MALRD1: variants seen among roughly 807,000 people sequenced by gnomAD.
MALRD1 encodes MAM and LDL receptor class A domain containing 1.
Under a neutral mutation model 242.1 loss-of-function variants are expected in MALRD1, and 247 were observed. That is an observed-to-expected ratio of 1.02 (90% CI 0.92 to 1.13). The LOEUF is 1.13. MALRD1 is among the 50% of genes most tolerant of loss of function. The pLI, the probability that MALRD1 is intolerant of heterozygous loss-of-function variation, is 0.00. For synonymous variants in MALRD1, 995 were observed against 866.6 expected (o/e 1.15, Z -2.60); for missense variants, 2,989 against 2,533.1 (o/e 1.18, Z -3.86).
chr10:19,375,519 A>T (rs1273929802), intron 26 of MALRD1, among the ~76,000 whole-genome samples: 2 of 152,156 alleles, frequency 1.3e-5, no homozygotes, highest in African/African-American at 2.4e-5. Context: ...AAGGCCCTGG[A>T]TAAGGACACA....
chr10:19,658,125 G>A (rs1841252918), intron 36 of MALRD1, among the ~76,000 whole-genome samples: 1 of 151,838 alleles, frequency 6.6e-6, no homozygotes, highest in African/African-American at 2.4e-5. Flanking sequence ...TCCAGCCTGG[G>A]CAACAAGAGC....
chr10:19,271,942 A>G (rs1396357270), intron 19 of MALRD1, among the ~76,000 whole-genome samples: 1 of 152,176 alleles, frequency 6.6e-6, no homozygotes. Context: ...AGCAAGAAAA[A>G]CACTGGAGGC....
chr10:19,422,409 G>T (rs955286284), intron 28 of MALRD1, among the ~76,000 whole-genome samples: 1 of 152,120 alleles, frequency 6.6e-6, no homozygotes, highest in Non-Finnish European at 1.5e-5. Context: ...AAAACATAGA[G>T]TAACCAGAAG....
chr10:19,440,065 G>C lies in MALRD1; in HGVS notation c.4846-10242G>C, dbSNP rs148338185. Among the ~76,000 whole-genome samples the C allele has an allele frequency of 1.8e-3, 275 of 152,222 alleles. 2 individuals are homozygous for C. The highest frequency in any genetic ancestry group is 6.3e-3 in the African/African-American group (262 of 41,542). ...CACTTTAGGTGTCCATCTTACCACT[G>C]TCTGATTGCCAACAAGCCTGAGCAT... On this transcript the variant is annotated intron_variant, in intron 28 of 39. Coordinates refer to ENST00000454679, the MANE Select transcript of MALRD1 (RefSeq NM_001142308.3).
chr10:19,060,801 A>T (rs1834801074), intron 1 of MALRD1, among the ~76,000 whole-genome samples: 1 of 152,206 alleles, frequency 6.6e-6, no homozygotes, highest in South Asian at 2.1e-4. Context: ...AAAGTTATCT[A>T]CCTTGAAGAT....
intron 18 of MALRD1, among the ~76,000 whole-genome samples, chr10:19,223,495 T>C (rs1169743769): frequency 2.0e-5 from 3 of 152,188 alleles, no homozygotes; most frequent in African/African-American, 7.2e-5. Flanking sequence ...AACATATTTC[T>C]ATTTTTACCA....
intron 36 of MALRD1, among the ~76,000 whole-genome samples, chr10:19,639,422 T>G (rs1253512128): frequency 2.0e-5 from 3 of 152,158 alleles, no homozygotes; most frequent in Admixed American, 2.0e-4. Context: ...CTACCACACG[T>G]GGAGATGCCA....
At chr10:19,373,949 A>G (rs1040347861) in intron 26 of MALRD1, among the ~76,000 whole-genome samples, 14 of 152,206 alleles carry the variant, frequency 9.2e-5, no homozygotes. Flanking sequence ...TGAATAGTGC[A>G]AAACCAATAG....
chr10:19,069,752 C>T (rs1835085999), intron 2 of MALRD1, among the ~76,000 whole-genome samples: 1 of 145,926 alleles, frequency 6.9e-6, no homozygotes. Context: ...TCCACAATTT[C>T]TTTTTTTTTT....
chr10:19,494,207 A>C (rs970140775), intron 30 of MALRD1, among the ~76,000 whole-genome samples: 1 of 152,236 alleles, frequency 6.6e-6, no homozygotes, highest in Non-Finnish European at 1.5e-5. Context: ...ACCAAAGGCA[A>C]GAAGTCAGCT....
intron 36 of MALRD1, among the ~76,000 whole-genome samples, chr10:19,675,568 A>C (rs189554911): frequency 1.3e-5 from 2 of 152,346 alleles, no homozygotes; most frequent in African/African-American, 4.8e-5. Context: ...GAGAAGAATA[A>C]ATAATCTGTG....
At chr10:19,397,167 A>G (rs1017483492) in intron 28 of MALRD1, among the ~76,000 whole-genome samples, 7 of 152,030 alleles carry the variant, frequency 4.6e-5, no homozygotes, top group African/African-American at 1.7e-4. Flanking sequence ...TATTCACCTC[A>G]CTGTGCAAAG....
chr10:19,464,092 C>T (rs964200921), intron 29 of MALRD1, among the ~76,000 whole-genome samples: 8 of 152,064 alleles, frequency 5.3e-5, no homozygotes, highest in African/African-American at 1.4e-4. Context: ...TATTTGAGTT[C>T]ATTGTAGATT....
At chr10:19,699,752 A>C (rs2131843251) in intron 38 of MALRD1, among the ~76,000 whole-genome samples, 1 of 152,154 alleles carries the variant, frequency 6.6e-6, no homozygotes, top group East Asian at 1.9e-4. Context: ...TGGTGAAAAC[A>C]GGAGCAGGAG....
intron 28 of MALRD1, among the ~76,000 whole-genome samples, chr10:19,416,809 C>A (rs1833529872): frequency 6.6e-6 from 1 of 152,172 alleles, no homozygotes; most frequent in South Asian, 2.1e-4. Context: ...GTTATCATTT[C>A]TTTACTCTGC....
At chr10:19,244,134 T>G in intron 18 of MALRD1, among the ~76,000 whole-genome samples, 1 of 152,026 alleles carries the variant, frequency 6.6e-6, no homozygotes, top group East Asian at 1.9e-4. Context: ...TACTCATGCT[T>G]TAAAGCATGT....
At chr10:19,264,689 G>A (rs1434261936) in intron 19 of MALRD1, among the ~76,000 whole-genome samples, 5 of 152,140 alleles carry the variant, frequency 3.3e-5, no homozygotes, top group Admixed American at 1.3e-4. Flanking sequence ...TCCTGGCCTC[G>A]TTATCCGCCT....
chr10:19,199,813 T>TAAATAAAATAAAATAAAATAAAATA (rs10631948), intron 14 of MALRD1, among the ~76,000 whole-genome samples: 44 of 148,670 alleles, frequency 3.0e-4, no homozygotes, highest in African/African-American at 1.1e-3. Context: ...AATAAATAAA[T>TAAATAAAATAAAATAAAATAAAATA]AAATAAAATA....
chr10:19,070,490 G>A (rs1016058877), intron 2 of MALRD1, among the ~76,000 whole-genome samples: 1 of 152,088 alleles, frequency 6.6e-6, no homozygotes, highest in Non-Finnish European at 1.5e-5. Context: ...GTAAGTCAGG[G>A]ATTGCCTGCA....
Sources: gnomAD v4.1 joint callset for allele counts (sites outside exome capture counted in the v4.1 genomes callset) on GRCh38, gnomAD v4.1.1 for gene constraint, MANE v1.5 for transcripts, NCBI Gene and HGNC (gene_info 2026-07-23, HGNC 2026-07-21) for gene names.